ZDHHC11B: variants seen among roughly 807,000 people sequenced by gnomAD.
ZDHHC11B encodes the protein zDHHC palmitoyltransferase 11B (putative), also known as probable palmitoyltransferase ZDHHC11B.
Under a neutral mutation model 42.3 loss-of-function variants are expected in ZDHHC11B, and 17 were observed. The ratio of observed to expected loss-of-function variants is 0.40; its 90% CI spans 0.27 to 0.60. The LOEUF (loss-of-function observed/expected upper bound fraction) is 0.60, where lower values mean the gene tolerates loss of function less well. ZDHHC11B is among the 20% of genes least tolerant of loss of function. The probability of loss-of-function intolerance (pLI) is 0.41; values close to 1 mark genes in which losing one functional copy is unlikely to be tolerated. For synonymous variants in ZDHHC11B, 123 were observed against 193.5 expected (o/e 0.64, Z 3.02); for missense variants, 262 against 463.2 (o/e 0.57, Z 3.99).
At chr5:771,651 C>T (rs1236753623) in intron 1 of ZDHHC11B, among the ~76,000 whole-genome samples, 7 of 151,758 alleles carry the variant, frequency 4.6e-5, no homozygotes, top group Non-Finnish European at 8.8e-5. Context: ...CCTGTGTTTC[C>T]CCTGGGCCTC....
At chr5:753,030 A>G (rs1313262513) in intron 6 of ZDHHC11B, among the ~76,000 whole-genome samples, 2 of 126,188 alleles carry the variant, frequency 1.6e-5, no homozygotes, top group Non-Finnish European at 3.6e-5. Flanking sequence ...CCTCTTGGTT[A>G]GCACAGCCTC....
chr5:711,644 C>G lies in ZDHHC11B; in HGVS notation c.*646G>C, dbSNP rs1227718865. On this transcript the variant is annotated 3_prime_UTR_variant, in exon 14 of 14. Transcript: ENST00000508859. The stretch of plus-strand genomic sequence containing the variant: ...ATTTCCCAGTGCTGTATACTCCTAT[C>G]TCCCAGTGCTGTTTGCTCCCATTTC... 1 of 151,236 alleles carries G rather than the reference C, an allele frequency of 6.6e-6. No individual in the cohort carries two copies. The highest frequency in any genetic ancestry group is 6.8e-5 in the Admixed American group (1 of 14,636). 9.4% of individuals were successfully genotyped at this position (151,236 alleles called of 1,614,324 possible). A position where few individuals can be genotyped will look rare whatever the true frequency, so the allele number is the denominator to read the frequency against.
intron 4 of ZDHHC11B, among the ~76,000 whole-genome samples, chr5:757,279 T>C (rs1162797593): frequency 6.6e-6 from 1 of 151,848 alleles, no homozygotes; most frequent in Non-Finnish European, 1.5e-5. Context: ...GCTGCCGGCC[T>C]GTGTCGCACA....
intron 9 of ZDHHC11B, among the ~76,000 whole-genome samples, chr5:741,957 C>T (rs1413366053): frequency 3.8e-5 from 5 of 131,458 alleles, no homozygotes; most frequent in Non-Finnish European, 8.1e-5. Context: ...CACCAGCCCT[C>T]GGTGGTGTCT....
chr5:758,512 C>G (rs1579389613), intron 4 of ZDHHC11B, among the ~76,000 whole-genome samples: 3 of 151,824 alleles, frequency 2.0e-5, no homozygotes, highest in African/African-American at 7.3e-5. Flanking sequence ...CATTGACTTC[C>G]CTGTGGAGGA....
chr5:737,856 G>T (rs1362402898), intron 10 of ZDHHC11B, among the ~76,000 whole-genome samples: 1 of 143,302 alleles, frequency 7.0e-6, no homozygotes, highest in Non-Finnish European at 1.5e-5. Flanking sequence ...TACTGAATGG[G>T]GAAAAGTTGA....
chr5:783,966 C>T (rs1355315140), intron 1 of ZDHHC11B, among the ~76,000 whole-genome samples: 49 of 150,930 alleles, frequency 3.2e-4, no homozygotes, highest in Admixed American at 2.0e-4. Context: ...TTTACGTAAC[C>T]GAAACCGCAG....
intron 12 of ZDHHC11B, among the ~76,000 whole-genome samples, chr5:723,648 G>T (rs1742353179): frequency 9.1e-6 from 1 of 109,648 alleles, no homozygotes; most frequent in Admixed American, 8.6e-5. Context: ...CTAAGAGAAG[G>T]CCACAGGCGG....
At chr5:754,335 G>C (rs5028821) in intron 6 of ZDHHC11B, among the ~76,000 whole-genome samples, 5,812 of 25,262 alleles carry the variant, frequency 0.23, 2,082 homozygotes, top group East Asian at 0.65. Context: ...TCAGGGGAAA[G>C]ACCTCTCATC....
In ZDHHC11B at chr5:784,651, G is replaced by A. The variant is rs980990851; in HGVS notation, c.-230+17C>T. On this transcript the variant is annotated intron_variant, in intron 1 of 13. Coordinates refer to ENST00000508859, the MANE Select transcript of ZDHHC11B (RefSeq NM_001351303.2). Reference sequence around the variant, plus strand: ...CCCCGCGCCGCGCCCGCAGGACCGAGCCCCGCGCCCGCTTACCTTGGAGAC... The same window carrying A: ...CCCCGCGCCGCGCCCGCAGGACCGAACCCCGCGCCCGCTTACCTTGGAGAC... 6.6e-6 allele frequency among the ~76,000 whole-genome samples: 1 copy of A among 150,964 alleles called. No homozygotes were observed. The highest frequency in any genetic ancestry group is 2.4e-5 in the African/African-American group (1 of 41,152).
chr5:714,716 C>T (rs908169964), intron 13 of ZDHHC11B, among the ~76,000 whole-genome samples: 1 of 131,452 alleles, frequency 7.6e-6, no homozygotes, highest in African/African-American at 2.7e-5. Flanking sequence ...AATCACTAAT[C>T]AAGCTCTGCC....
intron 4 of ZDHHC11B, among the ~76,000 whole-genome samples, chr5:764,438 G>A (rs1248433134): frequency 7.2e-5 from 11 of 151,908 alleles, no homozygotes; most frequent in South Asian, 6.2e-4. Context: ...CATGGGCTCA[G>A]CGGGCCCTGC....
intron 1 of ZDHHC11B, among the ~76,000 whole-genome samples, chr5:774,916 C>T (rs1370172205): frequency 3.9e-5 from 6 of 152,140 alleles, no homozygotes; most frequent in Non-Finnish European, 8.8e-5. Flanking sequence ...CCGACAGAGC[C>T]TACACCACTG....
intron 1 of ZDHHC11B, among the ~76,000 whole-genome samples, chr5:776,692 A>G (rs1308401228): frequency 2.0e-5 from 3 of 151,898 alleles, no homozygotes; most frequent in Non-Finnish European, 4.4e-5. Context: ...GCCCCTGTGG[A>G]GCTCACCCAG....
intron 4 of ZDHHC11B, among the ~76,000 whole-genome samples, chr5:764,534 C>A (rs369404674): frequency 1.3e-5 from 2 of 151,910 alleles, no homozygotes; most frequent in East Asian, 3.9e-4. Context: ...TGCGCCAGGT[C>A]CCCCAGGAGT....
At chr5:716,062 C>G (rs3867414) in intron 13 of ZDHHC11B, among the ~76,000 whole-genome samples, 88,722 of 146,894 alleles carry the variant, frequency 0.6, 23,057 homozygotes, top group Non-Finnish European at 0.63. Flanking sequence ...GAACGGTAGA[C>G]TTCAGGGTGT....
intron 12 of ZDHHC11B, 147 bp from the exon 13 acceptor site, chr5:717,012 A>C (rs1244543021): frequency 1.6e-6 from 2 of 1,272,926 alleles, no homozygotes; most frequent in African/African-American, 2.9e-5. Context: ...TCTGAGTTTC[A>C]GAGCCTTCAT....
chr5:753,613 G>A (rs1746084725), intron 6 of ZDHHC11B, among the ~76,000 whole-genome samples: 2 of 147,552 alleles, frequency 1.4e-5, no homozygotes, highest in South Asian at 4.7e-4. Flanking sequence ...GCTAGCATGA[G>A]CCAGAGGAGC....
At chr5:716,006 G>C (rs1395528323) in intron 13 of ZDHHC11B, among the ~76,000 whole-genome samples, 12 of 150,654 alleles carry the variant, frequency 8.0e-5, no homozygotes. Context: ...TGTCCAGCTA[G>C]CTTTTGGGAG....
Sources: gnomAD v4.1 joint callset for allele counts (sites outside exome capture counted in the v4.1 genomes callset) on GRCh38, gnomAD v4.1.1 for gene constraint, MANE v1.5 for transcripts, NCBI Gene and HGNC (gene_info 2026-07-23, HGNC 2026-07-21) for gene names.